ADARB2: variants seen among roughly 807,000 people sequenced by gnomAD.
ADARB2 encodes the protein inactive double-stranded RNA-specific editase B2.
Under a neutral mutation model 62.2 loss-of-function variants are expected in ADARB2, and 25 were observed. The observed-to-expected ratio is 0.40, with a 90% CI of 0.29 to 0.56. ADARB2 has a LOEUF of 0.56. ADARB2 is among the 20% of genes least tolerant of loss of function. The probability of loss-of-function intolerance (pLI) is 0.43; values close to 1 mark genes in which losing one functional copy is unlikely to be tolerated. For synonymous variants in ADARB2, 572 were observed against 500.8 expected (o/e 1.14, Z -1.90); for missense variants, 1,071 against 1,077.4 (o/e 0.99, Z 0.08).
At chr10:1,374,580 G>A (rs1461327275) in intron 2 of ADARB2, among the ~76,000 whole-genome samples, 1 of 152,190 alleles carries the variant, frequency 6.6e-6, no homozygotes, top group African/African-American at 2.4e-5. Context: ...GAGAGCATGT[G>A]CGGGTGGGGC....
intron 1 of ADARB2, among the ~76,000 whole-genome samples, chr10:1,611,271 A>C (rs1439870544): frequency 3.3e-5 from 5 of 152,134 alleles, no homozygotes; most frequent in Non-Finnish European, 7.4e-5. Flanking sequence ...CTGGACCTTC[A>C]GTGTGCCCAA....
At chr10:1,725,156 C>T (rs1044854695) in intron 1 of ADARB2, among the ~76,000 whole-genome samples, 2 of 152,262 alleles carry the variant, frequency 1.3e-5, no homozygotes, top group East Asian at 1.9e-4. Flanking sequence ...CTCCCTGCAT[C>T]GTGCTAACCT....
At chr10:1,672,676 G>T (rs865773883) in intron 1 of ADARB2, among the ~76,000 whole-genome samples, 5 of 140,580 alleles carry the variant, frequency 3.6e-5, no homozygotes, top group African/African-American at 1.3e-4. Flanking sequence ...CTCCCTCCAC[G>T]CACGCACTTC....
chr10:1,508,591 C>T (rs1420654158), intron 1 of ADARB2, among the ~76,000 whole-genome samples: 2 of 152,172 alleles, frequency 1.3e-5, no homozygotes, highest in Admixed American at 1.3e-4. Context: ...ACCAGCCCAG[C>T]CAACATGGTG....
chr10:1,479,966 A>G (rs866925312), intron 1 of ADARB2, among the ~76,000 whole-genome samples: 1 of 152,284 alleles, frequency 6.6e-6, no homozygotes, highest in South Asian at 2.1e-4. Flanking sequence ...ATGCACCCAA[A>G]TGACACACAG....
chr10:1,457,707 T>G (rs1435765073), intron 1 of ADARB2, among the ~76,000 whole-genome samples: 1 of 152,136 alleles, frequency 6.6e-6, no homozygotes, highest in Admixed American at 6.5e-5. Flanking sequence ...CCTCACAAAC[T>G]GCTCACAACG....
At chr10:1,205,003 T>A (rs968229912) in intron 7 of ADARB2, among the ~76,000 whole-genome samples, 4 of 152,212 alleles carry the variant, frequency 2.6e-5, no homozygotes, top group Non-Finnish European at 5.9e-5. Context: ...CAGCTTGGGA[T>A]GCCTCAGCCT....
chr10:1,709,503 T>C (rs749552807), intron 1 of ADARB2, among the ~76,000 whole-genome samples: 10 of 152,232 alleles, frequency 6.6e-5, no homozygotes, highest in Non-Finnish European at 2.9e-5. Flanking sequence ...CTGCTGACTA[T>C]GATGTGGAAG....
At chr10:1,475,529 A>G (rs1370026473) in intron 1 of ADARB2, among the ~76,000 whole-genome samples, 1 of 152,214 alleles carries the variant, frequency 6.6e-6, no homozygotes, top group East Asian at 1.9e-4. Context: ...AATCCTTGAA[A>G]TACCCTCAGG....
chr10:1,290,611 G>A (rs1316644085), intron 3 of ADARB2: 4 of 152,220 alleles, frequency 2.6e-5, no homozygotes, highest in African/African-American at 9.7e-5. Context: ...CACTAATTGA[G>A]GATTTCAAAC....
At position 1,704,719 on chromosome 10, in the gene ADARB2, T is replaced by C. The variant is rs1213791986; in HGVS notation, c.100+32332A>G. On this transcript the variant is annotated intron_variant, in intron 1 of 9. Coordinates refer to ENST00000381312, the MANE Select transcript of ADARB2 (RefSeq NM_018702.4). This position sits in a 1 kb window ranked among gnomAD's most constrained non-coding sequence, Gnocchi z 5.6. ...TTGGAATCATGTGGGATTATTGATATTATTACAAAGAATAAATCTGATAGG... is the reference window on the plus strand; with the variant it reads ...TTGGAATCATGTGGGATTATTGATACTATTACAAAGAATAAATCTGATAGG... Among the ~76,000 whole-genome samples, 1 of 152,206 alleles carries C rather than the reference T, an allele frequency of 6.6e-6. No individual in the cohort carries two copies. The highest frequency in any genetic ancestry group is 1.5e-5 in the Non-Finnish European group (1 of 68,044).
At chr10:1,224,231 T>A (rs1390442263) in intron 6 of ADARB2, among the ~76,000 whole-genome samples, 1 of 152,214 alleles carries the variant, frequency 6.6e-6, no homozygotes, top group African/African-American at 2.4e-5. Flanking sequence ...TGTAGTATTC[T>A]CTGATGGTAG....
At chr10:1,268,704 A>G (rs1234084984) in intron 4 of ADARB2, among the ~76,000 whole-genome samples, 3 of 152,108 alleles carry the variant, frequency 2.0e-5, no homozygotes, top group Non-Finnish European at 4.4e-5. Context: ...ATTTTTTAAA[A>G]TCAGTGTTTG....
intron 1 of ADARB2, among the ~76,000 whole-genome samples, chr10:1,706,903 G>GGGCAGGAAGTAGGGTTTCA (rs1834896860): frequency 6.8e-6 from 1 of 148,128 alleles, no homozygotes; most frequent in Admixed American, 6.7e-5. Context: ...TGGGGTTTTT[G>GGGCAGGAAGTAGGGTTTCA]TTGGGCAGGA....
intron 1 of ADARB2, among the ~76,000 whole-genome samples, chr10:1,478,166 C>T (rs1377905419): frequency 6.6e-6 from 1 of 152,238 alleles, no homozygotes; most frequent in Non-Finnish European, 1.5e-5. Context: ...AGTCCTAGAA[C>T]AGTGTGCAGT....
intron 1 of ADARB2, among the ~76,000 whole-genome samples, chr10:1,685,091 G>A (rs1394900167): frequency 6.6e-6 from 1 of 152,216 alleles, no homozygotes; most frequent in African/African-American, 2.4e-5. Flanking sequence ...CGAGTCTGGA[G>A]GGCCAGCAGT....
Position 1,232,551 on chromosome 10 carries a change from GTGGT to G in ADARB2, c.1513+1139_1513+1142del, listed in dbSNP as rs540664513. On this transcript the variant is annotated intron_variant, in intron 6 of 9. Transcript: ENST00000381312. ...TGTGTGGTATATGTGGTATGTGTGTGTGGTGTATGTGCTATGTGTGTGGTGTGTG... is the reference window on the plus strand; with the variant it reads ...TGTGTGGTATATGTGGTATGTGTGTGGTATGTGCTATGTGTGTGGTGTGTG... Among the ~76,000 whole-genome samples the G allele has an allele frequency of 1.9e-4, 29 of 151,856 alleles. No individual in the cohort carries two copies. The East Asian group carries it at 5.6e-3, about 29-fold the overall frequency.
chr10:1,266,525 T>G (rs1045828857), intron 4 of ADARB2, among the ~76,000 whole-genome samples: 2 of 150,594 alleles, frequency 1.3e-5, no homozygotes, highest in South Asian at 2.1e-4. Context: ...GGGGGGGCCG[T>G]GCCCACAAAT....
chr10:1,663,465 A>C (rs4880523), intron 1 of ADARB2, among the ~76,000 whole-genome samples: 144,865 of 152,172 alleles, frequency 0.95, 69,299 homozygotes, highest in East Asian at 1. Context: ...CCACCCCTGG[A>C]AACCATGAAT....
Sources: gnomAD v4.1 joint callset for allele counts (sites outside exome capture counted in the v4.1 genomes callset) on GRCh38, gnomAD v4.1.1 for gene constraint, Gnocchi (gnomAD v3.1) non-coding constraint, MANE v1.5 for transcripts, NCBI Gene and HGNC (gene_info 2026-07-23, HGNC 2026-07-21) for gene names.